DEK: variants seen among roughly 807,000 people sequenced by gnomAD.
The protein encoded by DEK is protein DEK.
DEK carries 28 observed loss-of-function variants against 46.8 expected under a neutral mutation model. The observed-to-expected ratio is 0.60, with a 90% confidence interval of 0.44 to 0.82. The LOEUF is 0.82. Among genes scored for constraint, DEK ranks in the 40% least tolerant of loss-of-function variants. DEK has a pLI of 0.00. For synonymous variants in DEK, 160 were observed against 144.5 expected, an observed-to-expected ratio of 1.11 and a Z score of -0.77; for missense variants, 416 against 430.6, an observed-to-expected ratio of 0.97 and a Z score of 0.30.
chr6:18,226,000 T>C, intron 10 of DEK, 174 bp downstream of exon 10: 2 of 780,644 alleles, frequency 2.6e-6, no homozygotes, highest in Non-Finnish European at 3.8e-6. Flanking sequence ...GTTCAAACTT[T>C]AATTTTAAGC....
intron 7 of DEK, among the ~76,000 whole-genome samples, chr6:18,246,964 G>T (rs1338607258): frequency 6.6e-6 from 1 of 152,164 alleles, no homozygotes; most frequent in Non-Finnish European, 1.5e-5. Context: ...CTATCATAAA[G>T]AAATCTACAG....
Position 18,225,307 on chromosome 6 carries a change from T to C in DEK, c.*412A>G. On this transcript the variant is annotated 3_prime_UTR_variant, in exon 11 of 11. Transcript: ENST00000652689. The stretch of plus-strand genomic sequence containing the variant: ...TGACAGAGATGTGTATTCAAAATAT[T>C]TCATATACTAAATACTACAATCTCT... 4.3e-6 allele frequency: 1 copy of C among 235,256 alleles called. No homozygotes were observed. Among genetic ancestry groups the C allele is most frequent in the Non-Finnish European group, 8.3e-6 (1 of 119,810 alleles). The allele number at this position is 235,256 out of a possible 1,614,324, so 14.6% of individuals were successfully genotyped here.
chr6:18,234,608 C>CTGT (rs981326123), intron 9 of DEK, among the ~76,000 whole-genome samples: 25 of 152,296 alleles, frequency 1.6e-4, no homozygotes, highest in African/African-American at 6.0e-4. Flanking sequence ...CACACTGCTA[C>CTGT]TGTCAGCCAA....
chr6:18,261,956 G>T (rs892245498), intron 2 of DEK, among the ~76,000 whole-genome samples: 4 of 152,184 alleles, frequency 2.6e-5, no homozygotes, highest in Non-Finnish European at 4.4e-5. Context: ...ATTTCGTGTT[G>T]AAAAGTGATT....
intron 7 of DEK, among the ~76,000 whole-genome samples, chr6:18,242,154 G>A (rs1294622575): frequency 6.6e-6 from 1 of 152,164 alleles, no homozygotes; most frequent in African/African-American, 2.4e-5. Context: ...CCAGCACTTT[G>A]GGAGGCCAGG....
intron 7 of DEK, among the ~76,000 whole-genome samples, chr6:18,247,764 C>G (rs1345553205): frequency 6.6e-6 from 1 of 152,020 alleles, no homozygotes; most frequent in Non-Finnish European, 1.5e-5. Context: ...CTCTGCCTCC[C>G]CGGTTCAAGC....
At chr6:18,241,149 A>T (rs1471643024) in intron 7 of DEK, among the ~76,000 whole-genome samples, 1 of 152,156 alleles carries the variant, frequency 6.6e-6, no homozygotes, top group Non-Finnish European at 1.5e-5. Context: ...GGTTTTCATC[A>T]CTTCGGCTGC....
In DEK at chr6:18,255,602, C is replaced by T. The variant is rs1241354885; in HGVS notation, c.573+129G>A. The T allele has an allele frequency of 3.6e-6, 4 of 1,115,522 alleles. No homozygotes were observed. In the Admixed American group the frequency reaches 9.2e-5, roughly 26 times the overall value. The allele number at this position is 1,115,522 out of a possible 1,614,324, so 69.1% of individuals were successfully genotyped here. ...CAGGAAATTACTGCAGATACGTCAA[C>T]AGAAGGTATAGTCTTTGAATGTAGA... On this transcript the variant is annotated intron_variant, in intron 6 of 10. Coordinates refer to ENST00000652689, the MANE Select transcript of DEK (RefSeq NM_003472.4).
chr6:18,249,928 T>C, intron 6 of DEK, 89 bp from the exon 7 acceptor site: 1 of 1,450,248 alleles, frequency 6.9e-7, no homozygotes, highest in Non-Finnish European at 9.1e-7. Context: ...AATTTCTTAT[T>C]CCTCTCTCAA....
chr6:18,243,891 C>G (rs1790999046), intron 7 of DEK, among the ~76,000 whole-genome samples: 1 of 152,114 alleles, frequency 6.6e-6, no homozygotes, highest in African/African-American at 2.4e-5. Flanking sequence ...CACTTGAACC[C>G]TGGAGTTCAA....
intron 9 of DEK, among the ~76,000 whole-genome samples, chr6:18,236,111 A>C (rs1201521410): frequency 6.6e-6 from 1 of 152,228 alleles, no homozygotes; most frequent in Admixed American, 6.5e-5. Flanking sequence ...AAGACGGTTC[A>C]TGAGATTCTG....
At position 18,255,735 on chromosome 6, in the gene DEK, C is replaced by A. The variant is rs1182287979; in HGVS notation, c.569G>T (p.Gly190Val). The change falls in exon 6 of 11, where the codon GGC becomes GTC. Residue 190 changes from glycine to valine, a missense_variant. By Grantham distance (109) the Gly-to-Val change is moderately radical. Coordinates refer to ENST00000652689, the MANE Select transcript of DEK (RefSeq NM_003472.4). Reference sequence around the variant, plus strand: ...AAAATAAAAATTGATCCTCACTTTGCCAGAAGGCTTTGGATGCATTAAGAA... The same window carrying A: ...AAAATAAAAATTGATCCTCACTTTGACAGAAGGCTTTGGATGCATTAAGAA... ...LNFLMHPKPSGKPLPKSKKTC... is the reference protein window; with the variant it reads ...LNFLMHPKPSVKPLPKSKKTC... The A allele has an allele frequency of 8.2e-6, 13 of 1,594,054 alleles. No homozygotes were observed. The highest frequency in any genetic ancestry group is 1.1e-5 in the Non-Finnish European group (13 of 1,174,846).
rs1460785868 is a variant in DEK, at chr6:18,249,654, C to T, written c.759G>A (p.Glu253=). 6 of 1,575,432 alleles carry T rather than the reference C, an allele frequency of 3.8e-6. No homozygotes were observed. The highest frequency in any genetic ancestry group is 5.1e-6 in the Non-Finnish European group (6 of 1,166,522). Residue 253 remains glutamate (E), a synonymous_variant, in exon 7 of 11, where the codon GAG becomes GAA. Coordinates refer to ENST00000652689, the MANE Select transcript of DEK (RefSeq NM_003472.4). ...AAAATATAGTAAAATATTTTACCTC[C>T]TCTTCACTTTCTTTATCTTCATCAT... ...SSDDEDKESE[E]EPPKKTAKRE...
intron 6 of DEK, among the ~76,000 whole-genome samples, chr6:18,251,241 G>A (rs1216807132): frequency 1.3e-5 from 2 of 152,102 alleles, no homozygotes; most frequent in Non-Finnish European, 2.9e-5. Flanking sequence ...GCAATAAGCA[G>A]AAACATTAAG....
intron 7 of DEK, among the ~76,000 whole-genome samples, chr6:18,247,537 G>T (rs149046905): frequency 6.6e-6 from 1 of 152,264 alleles, no homozygotes; most frequent in Non-Finnish European, 1.5e-5. Context: ...TAGTGAGATG[G>T]TTCCACTTGT....
At chr6:18,251,702 G>A (rs948622634) in intron 6 of DEK, among the ~76,000 whole-genome samples, 4 of 152,168 alleles carry the variant, frequency 2.6e-5, no homozygotes, top group Non-Finnish European at 5.9e-5. Flanking sequence ...TGGAGAAAAG[G>A]TAACTCTCAC....
chr6:18,259,657 G>C (rs971750824), intron 2 of DEK, among the ~76,000 whole-genome samples: 1 of 151,934 alleles, frequency 6.6e-6, no homozygotes, highest in Non-Finnish European at 1.5e-5. Flanking sequence ...TGCTACTAAA[G>C]AAATGAGACA....
chr6:18,230,545 A>C (rs1285463144), intron 9 of DEK, among the ~76,000 whole-genome samples: 6 of 152,214 alleles, frequency 3.9e-5, no homozygotes, highest in Admixed American at 6.5e-5. Flanking sequence ...TCTACCAAGC[A>C]AATGGAAAAC....
At chr6:18,235,212 T>C (rs1790596395) in intron 9 of DEK, among the ~76,000 whole-genome samples, 1 of 152,220 alleles carries the variant, frequency 6.6e-6, no homozygotes, top group Admixed American at 6.5e-5. Flanking sequence ...ATCTCAATAA[T>C]CTACATAGCC....
Sources: gnomAD v4.1 joint callset for allele counts (sites outside exome capture counted in the v4.1 genomes callset) on GRCh38, gnomAD v4.1.1 for gene constraint, MANE v1.5 for transcripts, NCBI Gene and HGNC (gene_info 2026-07-23, HGNC 2026-07-21) for gene names.